The following FAAH2 variants were observed in gnomAD, a reference collection of about 807,000 sequenced individuals.
FAAH2 encodes fatty acid amide hydrolase 2, also known as fatty-acid amide hydrolase 2.
A neutral mutation model predicts 36.9 loss-of-function variants in FAAH2; 60 were observed. The observed-to-expected ratio is 1.63, with a 90% confidence interval of 1.32 to 2.02. FAAH2 has a LOEUF of 2.02. FAAH2 is among the 30% of genes most tolerant of loss of function. FAAH2 has a pLI of 0.00. For synonymous variants in FAAH2, 214 were observed against 143.8 expected, an observed-to-expected ratio of 1.49 and a Z score of -3.49; for missense variants, 689 against 397.5, an observed-to-expected ratio of 1.73 and a Z score of -6.23.
intron 8 of FAAH2, among the ~76,000 whole-genome samples, chrX:57,442,241 T>A (rs12013599): frequency 0.37 from 40,616 of 109,600 alleles, 6,423 homozygotes; most frequent in Middle Eastern, 0.62. Context: ...TGTGTGGGAG[T>A]CTAAGTCTCT....
intron 10 of FAAH2, among the ~76,000 whole-genome samples, chrX:57,471,580 A>G (rs1175743943): frequency 1.8e-5 from 2 of 111,861 alleles, no homozygotes; most frequent in East Asian, 5.6e-4. Flanking sequence ...CCACTGCTCA[A>G]CGAAATAAAA....
chrX:57,393,323 C>T (rs2055211703), intron 7 of FAAH2: 3 of 872,418 alleles, frequency 3.4e-6, no homozygotes, highest in Non-Finnish European at 5.1e-6. Flanking sequence ...AGGGCCACCC[C>T]TGTGCATCTT....
At chrX:57,301,480 G>C (rs1382201222) in intron 2 of FAAH2, among the ~76,000 whole-genome samples, 1 of 96,954 alleles carries the variant, frequency 1.0e-5, no homozygotes, top group Admixed American at 1.1e-4. Flanking sequence ...GGGGAGGGGG[G>C]ATGGATAGCA....
At chrX:57,381,214 T>A (rs886178730) in intron 7 of FAAH2, among the ~76,000 whole-genome samples, 185 bp downstream of exon 7, 2 of 111,567 alleles carry the variant, frequency 1.8e-5, no homozygotes, top group African/African-American at 3.3e-5. Flanking sequence ...TATTTTTTAG[T>A]AATGAAATGA....
chrX:57,300,521 G>A (rs1330520089), intron 2 of FAAH2, among the ~76,000 whole-genome samples: 1 of 111,471 alleles, frequency 9.0e-6, no homozygotes, highest in Admixed American at 9.5e-5. Flanking sequence ...AGAAAACCTG[G>A]GCAATACCAT....
chrX:57,146,003 AT>A, the FAAH2 span, among the ~76,000 whole-genome samples: 413 of 101,798 alleles, frequency 4.1e-3, 3 homozygotes, highest in East Asian at 0.028. Flanking sequence ...ATGCCTCCAA[AT>A]TTTTTTTTTT....
intron 10 of FAAH2, among the ~76,000 whole-genome samples, chrX:57,462,271 G>T (rs2056973573): frequency 9.2e-6 from 1 of 109,032 alleles, no homozygotes; most frequent in South Asian, 3.9e-4. Context: ...CGATTCCGAA[G>T]AATAGAAGAA....
intron 10 of FAAH2, among the ~76,000 whole-genome samples, chrX:57,455,867 A>T (rs956792934): frequency 1.1e-4 from 12 of 112,080 alleles, no homozygotes; most frequent in African/African-American, 3.9e-4. Context: ...GGATTTTAAC[A>T]TCCCACTCAC....
chrX:57,407,557 T>C (rs929719586), intron 7 of FAAH2, among the ~76,000 whole-genome samples: 1 of 112,125 alleles, frequency 8.9e-6, no homozygotes, highest in African/African-American at 3.2e-5. Context: ...TTCTTTTCTG[T>C]ACCCTAGCTT....
At chrX:57,479,893 G>T (rs911631593) in intron 10 of FAAH2, among the ~76,000 whole-genome samples, 5 of 111,205 alleles carry the variant, frequency 4.5e-5, no homozygotes, top group Non-Finnish European at 7.5e-5. Flanking sequence ...AAAGAGAGAA[G>T]AATCAAATAG....
chrX:57,233,285 A>G, the FAAH2 span, among the ~76,000 whole-genome samples: 1 of 111,346 alleles, frequency 9.0e-6, no homozygotes, highest in Non-Finnish European at 1.9e-5. Flanking sequence ...TATTGTAAAC[A>G]CTTTGGTTTT....
In FAAH2 at chrX:57,386,134, C is replaced by T. The variant is rs1043132238; in HGVS notation, c.996+5105C>T. ...GAATTTCTTCCTATATTAATTTTTA[C>T]GTGTATTAAGATAGCTTCACATATC... is the stretch of plus-strand genomic sequence containing the variant. On this transcript the variant is annotated intron_variant, in intron 7 of 10. Coordinates refer to ENST00000374900, the MANE Select transcript of FAAH2 (RefSeq NM_174912.4). Among the ~76,000 whole-genome samples the T allele has an allele frequency of 8.1e-5, 9 of 111,018 alleles. No individual in the cohort carries two copies. The South Asian group carries it at 2.3e-3, about 28-fold the overall frequency.
chrX:57,423,038 G>A (rs932331739), intron 7 of FAAH2, among the ~76,000 whole-genome samples: 1 of 111,800 alleles, frequency 8.9e-6, no homozygotes, highest in East Asian at 2.8e-4. Context: ...GGGGAACTGG[G>A]AAATCCAGGC....
intron 7 of FAAH2, chrX:57,395,100 G>A (rs776562463): frequency 7.0e-5 from 38 of 543,464 alleles, no homozygotes; most frequent in Non-Finnish European, 1.1e-4. Context: ...TATTGTCTGA[G>A]TCTAGAGATA....
chrX:57,301,688 T>C (rs2052377572), intron 2 of FAAH2, among the ~76,000 whole-genome samples: 1 of 110,517 alleles, frequency 9.0e-6, no homozygotes, highest in Admixed American at 9.7e-5. Context: ...ATGTGGCATA[T>C]AGAATACTTG....
At chrX:57,347,850 T>A (rs2053871165) in intron 5 of FAAH2, among the ~76,000 whole-genome samples, 1 of 109,713 alleles carries the variant, frequency 9.1e-6, no homozygotes, top group African/African-American at 3.3e-5. Context: ...CAAAAAATTT[T>A]TTGATGTTGT....
chrX:57,346,522 G>C (rs368251811), intron 5 of FAAH2, among the ~76,000 whole-genome samples: 7 of 112,042 alleles, frequency 6.2e-5, no homozygotes, highest in African/African-American at 2.3e-4. Flanking sequence ...TTACATGTGA[G>C]AGAAATTCCT....
chrX:57,226,273 GT>G, the FAAH2 span, among the ~76,000 whole-genome samples: 1 of 111,892 alleles, frequency 8.9e-6, no homozygotes, highest in African/African-American at 3.2e-5. Flanking sequence ...AAGAGATTCT[GT>G]TTTGATGTGT....
the FAAH2 span, among the ~76,000 whole-genome samples, chrX:57,147,551 T>A: frequency 8.9e-6 from 1 of 112,155 alleles, no homozygotes; most frequent in Non-Finnish European, 1.9e-5. Context: ...TTTAATTCAA[T>A]TACATTTCAT....
Sources: gnomAD v4.1 joint callset for allele counts (sites outside exome capture counted in the v4.1 genomes callset) on GRCh38, gnomAD v4.1.1 for gene constraint, MANE v1.5 for transcripts, NCBI Gene and HGNC (gene_info 2026-07-23, HGNC 2026-07-21) for gene names.